DLGAP2: variants seen among roughly 807,000 people sequenced by gnomAD.
The protein encoded by DLGAP2 is DLG associated protein 2.
In DLGAP2, 26 loss-of-function variants were observed where a neutral mutation model predicts 100.3. That is an observed-to-expected ratio of 0.26 (90% CI 0.19 to 0.36). The LOEUF (loss-of-function observed/expected upper bound fraction) is 0.36, where lower values mean the gene tolerates loss of function less well. Ranked by LOEUF, DLGAP2 falls within the 10% of genes least tolerant of loss-of-function variation. The probability of loss-of-function intolerance (pLI) is 1.00; values close to 1 mark genes in which losing one functional copy is unlikely to be tolerated. For missense variants in DLGAP2, 1,858 were observed against 1,453.2 expected (o/e 1.28, Z -4.53); for synonymous variants, 886 against 630.1 (o/e 1.41, Z -6.08).
chr8:1,432,522 G>C (rs1797481482), intron 3 of DLGAP2, among the ~76,000 whole-genome samples: 3 of 152,244 alleles, frequency 2.0e-5, no homozygotes, highest in Non-Finnish European at 4.4e-5. Flanking sequence ...TGACTGGGGA[G>C]AGGAGACAAA....
intron 4 of DLGAP2, among the ~76,000 whole-genome samples, chr8:1,533,109 T>G (rs1337695673): frequency 6.7e-6 from 1 of 148,572 alleles, no homozygotes; most frequent in Non-Finnish European, 1.5e-5. Flanking sequence ...TTAAAAAATG[T>G]GCAGTTGTTA....
Position 1,026,961 on chromosome 8 carries a change from A to T in DLGAP2, c.73+118995A>T, listed in dbSNP as rs186312090. ...ATATGCCTGTTCTATAAATTTTTAA[A>T]TATCATTTACATTGTACGCTTAAAA... On this transcript the variant is annotated intron_variant, in intron 2 of 14. Transcript: ENST00000637795. Among the ~76,000 whole-genome samples the T allele has an allele frequency of 2.6e-5, 4 of 152,372 alleles. No individual in the cohort carries two copies. In the East Asian group the frequency reaches 5.8e-4, roughly 22 times the overall value.
intron 2 of DLGAP2, among the ~76,000 whole-genome samples, chr8:1,110,221 G>C (rs1455819516): frequency 8.5e-6 from 1 of 117,860 alleles, no homozygotes; most frequent in Non-Finnish European, 1.8e-5. Context: ...GGTGTGCATG[G>C]GTCTGTGACG....
At chr8:1,166,415 G>C (rs1281353351) in intron 2 of DLGAP2, among the ~76,000 whole-genome samples, 1 of 152,204 alleles carries the variant, frequency 6.6e-6, no homozygotes, top group Non-Finnish European at 1.5e-5. Flanking sequence ...ACTTCTGATA[G>C]CTCAAGCTCT....
chr8:1,488,573 C>G (rs1220328653), intron 3 of DLGAP2, among the ~76,000 whole-genome samples: 1 of 152,094 alleles, frequency 6.6e-6, no homozygotes, highest in African/African-American at 2.4e-5. Context: ...CTGCAGCTGC[C>G]CAGGCCAAGA....
intron 12 of DLGAP2, among the ~76,000 whole-genome samples, chr8:1,686,374 G>C (rs938535687): frequency 2.6e-5 from 4 of 152,204 alleles, no homozygotes; most frequent in African/African-American, 9.6e-5. Flanking sequence ...ATCTCACTCT[G>C]ATGTAGAGCT....
intron 2 of DLGAP2, among the ~76,000 whole-genome samples, chr8:1,066,909 C>T (rs1803271735): frequency 1.3e-5 from 2 of 152,302 alleles, no homozygotes; most frequent in South Asian, 2.1e-4. Flanking sequence ...CCCACGATAC[C>T]CATTGCCTCG....
At chr8:795,107 A>C (rs993551060) in intron 1 of DLGAP2, among the ~76,000 whole-genome samples, 5 of 152,208 alleles carry the variant, frequency 3.3e-5, no homozygotes, top group Admixed American at 1.3e-4. Flanking sequence ...TCAAGTAACC[A>C]TCTGGCTCCA....
At chr8:1,218,907 C>G (rs778736442) in intron 2 of DLGAP2, among the ~76,000 whole-genome samples, 2 of 152,064 alleles carry the variant, frequency 1.3e-5, no homozygotes, top group Non-Finnish European at 2.9e-5. Context: ...GGGTTGTGGT[C>G]TGGATTGGGT....
At position 1,659,610 on chromosome 8, in the gene DLGAP2, C is replaced by CT. The variant is rs546644077; in HGVS notation, c.1811-8712dup. Among the ~76,000 whole-genome samples the CT allele has an allele frequency of 9.2e-4, 140 of 152,218 alleles. 2 individuals are homozygous for CT. In the South Asian group the frequency reaches 1.0e-2, roughly 11 times the overall value. ...ACCTTTAGGCAATGCCCTTCTTTGT[C>CT]TTTTTTTATCTTTGTTGGCTTAAAG... is the stretch of plus-strand genomic sequence containing the variant. On this transcript the variant is annotated intron_variant, in intron 8 of 14. Transcript: ENST00000637795.
intron 3 of DLGAP2, among the ~76,000 whole-genome samples, chr8:1,496,014 C>T (rs184798863): frequency 1.5e-3 from 224 of 152,270 alleles, no homozygotes; most frequent in African/African-American, 5.1e-3. Flanking sequence ...GCCCCCGGCA[C>T]GGTTCTCCTT....
Position 1,254,979 on chromosome 8 carries a change from G to GCGC in DLGAP2, c.74-3872_74-3871insCGC, listed in dbSNP as rs2116890963. On this transcript the variant is annotated intron_variant, in intron 2 of 14. Coordinates refer to ENST00000637795, the MANE Select transcript of DLGAP2 (RefSeq NM_001346810.2). ...GTGTGTGTCCTCTCATCCTGTCCGG[G>GCGC]TGCTGTGTGTGTGTCCTCTCATCCT... 5.8e-5 allele frequency among the ~76,000 whole-genome samples: 3 copies of GCGC among 52,100 alleles called. No individual in the cohort carries two copies. In the East Asian group the frequency reaches 1.9e-3, roughly 34 times the overall value. 34.2% of individuals were successfully genotyped at this position (52,100 alleles called of 152,430 possible). A position where few individuals can be genotyped will look rare whatever the true frequency, so the allele number is the denominator to read the frequency against.
chr8:1,055,676 C>G (rs1053048379), intron 2 of DLGAP2, among the ~76,000 whole-genome samples: 3 of 152,194 alleles, frequency 2.0e-5, no homozygotes, highest in African/African-American at 7.2e-5. Flanking sequence ...CGTCTTCCAG[C>G]TCCTCCACAA....
rs369795477 is a variant in DLGAP2 at position 1,668,602 on chromosome 8, G to C, written c.2084G>C (p.Arg695Pro). The change falls in exon 9 of 15, where the codon CGG (arginine) becomes CCG (proline). Residue 695 changes from arginine (R) to proline (P), a missense_variant. Physicochemically the swap from Arg to Pro is moderately radical, Grantham distance 103 (BLOSUM62 -2). Coordinates refer to ENST00000637795, the MANE Select transcript of DLGAP2 (RefSeq NM_001346810.2). Reference protein sequence around the residue: ...HLPESQSSSVRTSDKAILVSK... With the variant: ...HLPESQSSSVPTSDKAILVSK... ...CCAGAGAGCCAGAGCAGCTCTGTGCGGACCAGCGACAAGGCCATCCTGGTG... is the reference window on the plus strand; with the variant it reads ...CCAGAGAGCCAGAGCAGCTCTGTGCCGACCAGCGACAAGGCCATCCTGGTG... 1 of 1,599,698 alleles carries C rather than the reference G, an allele frequency of 6.3e-7. No individual in the cohort carries two copies. Among genetic ancestry groups the C allele is most frequent in the South Asian group, 1.1e-5 (1 of 88,036 alleles).
At chr8:1,092,733 C>G (rs564796640) in intron 2 of DLGAP2, among the ~76,000 whole-genome samples, 1 of 152,298 alleles carries the variant, frequency 6.6e-6, no homozygotes, top group South Asian at 2.1e-4. Flanking sequence ...GAGGTCCCGA[C>G]TTGGCCTGGG....
intron 3 of DLGAP2, among the ~76,000 whole-genome samples, chr8:1,417,704 T>G: frequency 6.7e-6 from 1 of 148,258 alleles, no homozygotes; most frequent in African/African-American, 2.6e-5. Context: ...GCCCCACTCC[T>G]GCCTCACTCG....
chr8:1,377,034 C>A (rs78956956), intron 3 of DLGAP2, among the ~76,000 whole-genome samples: 1 of 152,214 alleles, frequency 6.6e-6, no homozygotes, highest in Non-Finnish European at 1.5e-5. Flanking sequence ...AGTTACTGTG[C>A]GCGGTCCCTG....
At chr8:1,367,798 A>C (rs560070186) in intron 3 of DLGAP2, among the ~76,000 whole-genome samples, 1 of 152,326 alleles carries the variant, frequency 6.6e-6, no homozygotes, top group African/African-American at 2.4e-5. Flanking sequence ...GTGTATTTGG[A>C]TTAAATATCA....
At chr8:1,667,434 G>A (rs1029650875) in intron 8 of DLGAP2, among the ~76,000 whole-genome samples, 7 of 152,130 alleles carry the variant, frequency 4.6e-5, no homozygotes, top group South Asian at 2.1e-4. Context: ...ACAGGTGAGC[G>A]TGGCCTGGCC....
Sources: gnomAD v4.1 joint callset for allele counts (sites outside exome capture counted in the v4.1 genomes callset) on GRCh38, gnomAD v4.1.1 for gene constraint, MANE v1.5 for transcripts, NCBI Gene and HGNC (gene_info 2026-07-23, HGNC 2026-07-21) for gene names.